DSC1: variants seen among roughly 807,000 people sequenced by gnomAD.
DSC1 encodes the protein desmocollin 1, also known as desmocollin-1.
A neutral mutation model predicts 98.8 loss-of-function variants in DSC1; 79 were observed. The observed-to-expected ratio is 0.80, with a 90% CI of 0.67 to 0.96. The LOEUF (loss-of-function observed/expected upper bound fraction) is 0.96. DSC1 is among the 50% of genes least tolerant of loss of function. The pLI, the probability that DSC1 is intolerant of heterozygous loss-of-function variation, is 0.00. For synonymous variants in DSC1, 405 were observed against 372.1 expected (o/e 1.09, Z -1.02); for missense variants, 1,115 against 1,075.9 (o/e 1.04, Z -0.51).
intron 5 of DSC1, 114 bp from the exon 6 acceptor site, chr18:31,148,756 C>G: frequency 9.5e-7 from 1 of 1,053,330 alleles, no homozygotes; most frequent in South Asian, 2.0e-5. Flanking sequence ...TCCCAAAGAC[C>G]CGTAACTAAG....
intron 5 of DSC1, among the ~76,000 whole-genome samples, chr18:31,150,394 C>CACACT (rs1988969823): frequency 3.6e-5 from 3 of 83,022 alleles, no homozygotes; most frequent in African/African-American, 3.9e-5. Context: ...CCATCACCAC[C>CACACT]ATTATCACCA....
chr18:31,139,977 T>G, intron 10 of DSC1, 65 bp downstream of exon 10: 1 of 1,569,502 alleles, frequency 6.4e-7, no homozygotes, highest in African/African-American at 1.4e-5. Context: ...ACATAAAACA[T>G]TCATAACTTT....
rs1439974265 is a variant in DSC1 at position 31,142,059 on chromosome 18, A to G, written c.1200T>C (p.Asn400=). The G allele has an allele frequency of 1.9e-6, 3 of 1,613,008 alleles. No homozygotes were observed. ...GATCTGTGCTAATTATGAAGTTTCC[A>G]TTTTCATTTCCTTGTAGGATTTTGT... The part of the protein sequence containing the change: ...AVYKILQGNE[N]GNFIISTDPN... Residue 400 remains asparagine (N), a synonymous_variant, in exon 9 of 16, where the codon AAT becomes AAC. Coordinates refer to ENST00000257198, the MANE Select transcript of DSC1 (RefSeq NM_024421.2).
Position 31,142,968 on chromosome 18 carries a change from A to C in DSC1, c.1074+689T>G, listed in dbSNP as rs141904877. 3.4e-4 allele frequency among the ~76,000 whole-genome samples: 52 copies of C among 152,166 alleles called. 1 individual carries two copies. The East Asian group carries it at 8.9e-3, about 26-fold the overall frequency. On this transcript the variant is annotated intron_variant, in intron 8 of 15. Coordinates refer to ENST00000257198, the MANE Select transcript of DSC1 (RefSeq NM_024421.2). ...GGGATTCATGTAAGAAATTACATGAACATGTCTATCACTGTACTTGCAGGT... is the reference window on the plus strand; with the variant it reads ...GGGATTCATGTAAGAAATTACATGACCATGTCTATCACTGTACTTGCAGGT...
Position 31,157,498 on chromosome 18 carries a change from C to A in DSC1, c.224G>T (p.Gly75Val), listed in dbSNP as rs1247249188. The A allele has an allele frequency of 5.6e-6, 9 of 1,614,028 alleles. No homozygotes were observed. Among genetic ancestry groups the A allele is most frequent in the Non-Finnish European group, 7.6e-6 (9 of 1,180,036 alleles). The change falls in exon 3 of 16, where the codon GGC (glycine) becomes GTC (valine). Residue 75 changes from glycine to valine, a missense_variant. Physicochemically the swap from Gly to Val is moderately radical, Grantham distance 109 (BLOSUM62 -3). Coordinates refer to ENST00000257198, the MANE Select transcript of DSC1 (RefSeq NM_024421.2). ...GAGGTCATGTGTTGTGTAAATTGAG[C>A]CATCTTCTAGAATTCTGAAGGCAGG... ...SDPAFRILED[G>V]SIYTTHDLIL...
At position 31,145,593 on chromosome 18, in the gene DSC1, T is replaced by A. The variant is rs757313544; in HGVS notation, c.939+18A>T. The A allele has an allele frequency of 5.0e-6, 8 of 1,612,438 alleles. No individual in the cohort carries two copies. The highest frequency in any genetic ancestry group is 8.5e-7 in the Non-Finnish European group (1 of 1,178,828). The stretch of plus-strand genomic sequence containing the variant: ...TAAATGTAGTTCAATGACTAGATAG[T>A]TAATTAATCATCATTACTTCTCTAT... On this transcript the variant is annotated intron_variant, in intron 7 of 15. Transcript: ENST00000257198.
chr18:31,141,800 T>A (rs1988742301), intron 9 of DSC1, among the ~76,000 whole-genome samples, 199 bp downstream of exon 9: 1 of 152,206 alleles, frequency 6.6e-6, no homozygotes. Context: ...AACAATGAGT[T>A]TTGTACCTGA....
intron 14 of DSC1, chr18:31,132,244 G>C (rs1988509642): frequency 2.9e-6 from 1 of 349,628 alleles, no homozygotes; most frequent in Non-Finnish European, 5.3e-6. Flanking sequence ...ATTGGCAGAA[G>C]CTAGGAGAGA....
At chr18:31,155,925 G>T in intron 4 of DSC1, 118 bp downstream of exon 4, 1 of 1,077,610 alleles carries the variant, frequency 9.3e-7, no homozygotes, top group Non-Finnish European at 1.3e-6. Context: ...GTGAATAGAT[G>T]ATCATTATTT....
In DSC1 at chr18:31,157,676, G is replaced by A. The variant is rs748284359; in HGVS notation, c.149-103C>T. The A allele has an allele frequency of 5.0e-4, 646 of 1,283,384 alleles. 1 individual carries two copies. The highest frequency in any genetic ancestry group is 6.4e-4 in the Non-Finnish European group (572 of 898,292). The allele number at this position is 1,283,384 out of a possible 1,614,324, so 79.5% of individuals were successfully genotyped here. A position where few individuals can be genotyped will look rare whatever the true frequency, so the allele number is the denominator to read the frequency against. ...GTTAATGCATGAGAAGCAGAAAAAG[G>A]GAGGTTACATTTGGAATGTGCTCAG... On this transcript the variant is annotated intron_variant, in intron 2 of 15. Coordinates refer to ENST00000257198, the MANE Select transcript of DSC1 (RefSeq NM_024421.2).
At chr18:31,143,992 C>T (rs1433740331) in intron 7 of DSC1, among the ~76,000 whole-genome samples, 2 of 152,112 alleles carry the variant, frequency 1.3e-5, no homozygotes, top group African/African-American at 4.8e-5. Flanking sequence ...TCACAGCAAC[C>T]TCTGCCTCCC....
intron 4 of DSC1, among the ~76,000 whole-genome samples, chr18:31,155,832 A>G (rs571882810): frequency 6.6e-6 from 1 of 152,302 alleles, no homozygotes; most frequent in Non-Finnish European, 1.5e-5. Context: ...CCAAATATAA[A>G]ACTTGTTTCT....
intron 1 of DSC1, among the ~76,000 whole-genome samples, chr18:31,160,434 G>C (rs556686409): frequency 6.6e-6 from 1 of 151,998 alleles, no homozygotes; most frequent in African/African-American, 2.4e-5. Context: ...CTAGAGTTAC[G>C]GGACCCATTA....
chr18:31,147,430 G>T (rs1477488981), intron 6 of DSC1, among the ~76,000 whole-genome samples: 1 of 152,072 alleles, frequency 6.6e-6, no homozygotes, highest in Non-Finnish European at 1.5e-5. Flanking sequence ...GTAACTTTAT[G>T]TATCAATTAG....
At position 31,134,790 on chromosome 18, in the gene DSC1, A is replaced by T; in HGVS notation, c.1664-6T>A. ...TCCAGTGCAAGATCGGCCAACTAAG[A>T]TTAATTAAAAATAGGTTATTTCTTC... On this transcript the variant is annotated splice_polypyrimidine_tract_variant and splice_region_variant and intron_variant, in intron 11 of 15. Coordinates refer to ENST00000257198, the MANE Select transcript of DSC1 (RefSeq NM_024421.2). 1 of 1,601,572 alleles carries T rather than the reference A, an allele frequency of 6.2e-7. No homozygotes were observed. The highest frequency in any genetic ancestry group is 8.5e-7 in the Non-Finnish European group (1 of 1,170,626).
chr18:31,141,096 C>T (rs7239227), intron 9 of DSC1, among the ~76,000 whole-genome samples: 32,665 of 152,012 alleles, frequency 0.21, 3,977 homozygotes, highest in East Asian at 0.35. Context: ...ACTGTAAGTC[C>T]AATTAAACCT....
chr18:31,133,317 A>G (rs558670490), intron 13 of DSC1, among the ~76,000 whole-genome samples: 1 of 152,288 alleles, frequency 6.6e-6, no homozygotes, highest in South Asian at 2.1e-4. Flanking sequence ...TATTTCTATT[A>G]CTTTTGTACC....
intron 1 of DSC1, 82 bp downstream of exon 1, chr18:31,162,450 C>T (rs148609167): frequency 1.9e-5 from 25 of 1,335,858 alleles, no homozygotes; most frequent in East Asian, 1.8e-4. Context: ...ATCCTCACTC[C>T]TAGTCTCTTT....
intron 10 of DSC1, 34 bp downstream of exon 10, chr18:31,140,008 T>G: frequency 6.3e-7 from 1 of 1,581,398 alleles, no homozygotes; most frequent in Non-Finnish European, 8.6e-7. Context: ...TACATCACAA[T>G]TAAAATTAAG....
Sources: allele counts gnomAD v4.1 joint callset (sites outside exome capture counted in the v4.1 genomes callset), GRCh38; gene constraint gnomAD v4.1.1; transcripts MANE v1.5; gene names NCBI Gene and HGNC (gene_info 2026-07-23, HGNC 2026-07-21).